Variants in DSCAM observed in about 807,000 individuals in gnomAD.
DSCAM encodes the protein cell adhesion molecule DSCAM.
DSCAM carries 47 observed loss-of-function variants against 217.7 expected under a neutral mutation model. The observed-to-expected ratio is 0.22, with a 90% CI of 0.17 to 0.28. The LOEUF (loss-of-function observed/expected upper bound fraction) is 0.28. DSCAM is among the 10% of genes least tolerant of loss of function. DSCAM has a pLI of 1.00. For synonymous variants in DSCAM, 1,056 were observed against 1,015.3 expected (o/e 1.04, Z -0.76); for missense variants, 2,080 against 2,618.3 (o/e 0.79, Z 4.49).
intron 2 of DSCAM, among the ~76,000 whole-genome samples, chr21:40,700,039 G>C (rs1041700794): frequency 6.6e-6 from 1 of 152,272 alleles, no homozygotes; most frequent in Non-Finnish European, 1.5e-5. Context: ...TTCTTGTTAA[G>C]GGTTAATGCA....
chr21:40,341,687 G>A (rs564718599), intron 6 of DSCAM, among the ~76,000 whole-genome samples: 1 of 152,238 alleles, frequency 6.6e-6, no homozygotes, highest in African/African-American at 2.4e-5. Flanking sequence ...TAATAATAGA[G>A]TATGCACGCT....
At chr21:40,549,230 G>T (rs1054951480) in intron 3 of DSCAM, among the ~76,000 whole-genome samples, 1 of 152,100 alleles carries the variant, frequency 6.6e-6, no homozygotes, top group Non-Finnish European at 1.5e-5. Context: ...TGTTTTGAGA[G>T]AATACCAACA....
chr21:40,155,001 A>C (rs2090461270), intron 16 of DSCAM, among the ~76,000 whole-genome samples: 1 of 152,220 alleles, frequency 6.6e-6, no homozygotes, highest in Non-Finnish European at 1.5e-5. Context: ...AATTGAGGTT[A>C]ACTACTGCAA....
chr21:40,315,062 T>C (rs981655426), intron 8 of DSCAM, among the ~76,000 whole-genome samples: 5 of 152,126 alleles, frequency 3.3e-5, no homozygotes. Context: ...TTTCTCCAAA[T>C]CAAGAAAGAA....
chr21:40,197,934 G>A (rs149004664), intron 11 of DSCAM, among the ~76,000 whole-genome samples: 60 of 152,262 alleles, frequency 3.9e-4, no homozygotes, highest in South Asian at 1.5e-3. Context: ...TTATAGTAGC[G>A]GAGGAGGCCA....
At chr21:40,317,081 T>C (rs923639454) in intron 8 of DSCAM, among the ~76,000 whole-genome samples, 2 of 152,192 alleles carry the variant, frequency 1.3e-5, no homozygotes, top group African/African-American at 2.4e-5. Context: ...TGCATTGAAA[T>C]AGACAGCAAG....
intron 3 of DSCAM, among the ~76,000 whole-genome samples, chr21:40,675,956 G>C (rs910379659): frequency 1.3e-5 from 2 of 152,130 alleles, no homozygotes; most frequent in African/African-American, 4.8e-5. Context: ...TTAGTAAAAA[G>C]CAGCATCGTC....
intron 3 of DSCAM, among the ~76,000 whole-genome samples, chr21:40,467,306 C>T (rs1237221335): frequency 1.3e-5 from 2 of 152,192 alleles, no homozygotes; most frequent in East Asian, 1.9e-4. Context: ...TTAATCCCCA[C>T]AATCTTCTTA....
At chr21:40,502,646 G>C (rs117801223) in intron 3 of DSCAM, among the ~76,000 whole-genome samples, 1 of 152,228 alleles carries the variant, frequency 6.6e-6, no homozygotes, top group Non-Finnish European at 1.5e-5. Context: ...TCTGACACGG[G>C]TTCTCCCGTC....
chr21:40,183,787 A>T (rs891934375), intron 14 of DSCAM, among the ~76,000 whole-genome samples: 1 of 152,208 alleles, frequency 6.6e-6, no homozygotes, highest in Non-Finnish European at 1.5e-5. Flanking sequence ...TCTGTTACGA[A>T]TGTGAAGTAC....
chr21:40,041,998 T>A (rs1238061476), intron 32 of DSCAM, among the ~76,000 whole-genome samples: 1 of 152,116 alleles, frequency 6.6e-6, no homozygotes, highest in Admixed American at 6.5e-5. Flanking sequence ...TTCCACAGAC[T>A]GTATCTTGGA....
intron 21 of DSCAM, among the ~76,000 whole-genome samples, chr21:40,092,774 C>T (rs577549317): frequency 1.3e-5 from 2 of 152,192 alleles, no homozygotes; most frequent in East Asian, 3.9e-4. Context: ...GATATCATGA[C>T]CAAAGAGTGT....
intron 9 of DSCAM, among the ~76,000 whole-genome samples, chr21:40,309,055 C>A (rs1000959242): frequency 6.6e-6 from 1 of 152,136 alleles, no homozygotes; most frequent in African/African-American, 2.4e-5. Context: ...TCTCTACTGG[C>A]TTATTCTCAT....
intron 3 of DSCAM, among the ~76,000 whole-genome samples, chr21:40,495,752 C>A (rs1187339784): frequency 6.6e-6 from 1 of 152,100 alleles, no homozygotes; most frequent in Non-Finnish European, 1.5e-5. Context: ...TCACTGTTTG[C>A]AGGCTACATA....
At chr21:40,301,447 T>C (rs2074012868) in intron 9 of DSCAM, among the ~76,000 whole-genome samples, 1 of 152,232 alleles carries the variant, frequency 6.6e-6, no homozygotes, top group Non-Finnish European at 1.5e-5. Flanking sequence ...TTCTTGCTGC[T>C]GGGTCTTCAC....
intron 3 of DSCAM, among the ~76,000 whole-genome samples, chr21:40,385,794 TA>T (rs1175048200): frequency 4.6e-5 from 7 of 152,078 alleles, no homozygotes; most frequent in African/African-American, 1.2e-4. Context: ...ACTTTATATA[TA>T]TTTTTTTAAG....
At chr21:40,388,256 CGTGA>C (rs2075104501) in intron 3 of DSCAM, among the ~76,000 whole-genome samples, 1 of 152,028 alleles carries the variant, frequency 6.6e-6, no homozygotes, top group African/African-American at 2.4e-5. Context: ...ACGAGGTATG[CGTGA>C]GTAACCCTAA....
intron 3 of DSCAM, among the ~76,000 whole-genome samples, chr21:40,394,921 C>T (rs2075165029): frequency 6.6e-6 from 1 of 152,116 alleles, no homozygotes; most frequent in Admixed American, 6.5e-5. Context: ...ATCCCAGGAT[C>T]TTTACTGTAT....
chr21:40,731,625 G>C (rs2091011754), intron 1 of DSCAM, among the ~76,000 whole-genome samples: 1 of 151,684 alleles, frequency 6.6e-6, no homozygotes, highest in African/African-American at 2.4e-5. Flanking sequence ...ATTCCCCTTT[G>C]TGTGTGTGTC....
Sources: allele counts gnomAD v4.1 joint callset (sites outside exome capture counted in the v4.1 genomes callset), GRCh38; gene constraint gnomAD v4.1.1; transcripts MANE v1.5; gene names NCBI Gene and HGNC (gene_info 2026-07-23, HGNC 2026-07-21).